DOCK10: variants seen among roughly 807,000 people sequenced by gnomAD.
DOCK10 encodes dedicator of cytokinesis 10.
A neutral mutation model predicts 280.1 loss-of-function variants in DOCK10; 145 were observed. The observed-to-expected ratio is 0.52, with a 90% CI of 0.45 to 0.59. The LOEUF is 0.59. Among genes scored for constraint, DOCK10 ranks in the 20% least tolerant of loss-of-function variants. The pLI is 0.00. For missense variants in DOCK10, 2,368 were observed against 2,651.7 expected (o/e 0.89, Z 2.35); for synonymous variants, 915 against 942.2 (o/e 0.97, Z 0.53).
At chr2:224,878,250 AT>A (rs1698762297) in intron 7 of DOCK10, among the ~76,000 whole-genome samples, 1 of 152,210 alleles carries the variant, frequency 6.6e-6, no homozygotes. Flanking sequence ...CAATTACTAA[AT>A]ACTGGCTCTG....
intron 1 of DOCK10, chr2:224,947,173 A>G (rs1305851248): frequency 6.5e-6 from 4 of 619,830 alleles, no homozygotes; most frequent in Non-Finnish European, 9.7e-6. Context: ...TTTTGTGCAT[A>G]TATCCTCCCT....
Position 224,765,792 on chromosome 2 carries a change from A to C in DOCK10, c.6490T>G (p.Cys2164Gly). 1.9e-6 allele frequency: 3 copies of C among 1,613,912 alleles called. No homozygotes were observed. The highest frequency in any genetic ancestry group is 2.5e-6 in the Non-Finnish European group (3 of 1,179,874). ...GTTGCTTTGCTAATTACTCGAGTGC[A>C]GGTTTGGTCCACTCCGCGCTTTGAC... Reference protein sequence around the residue: ...DLSKRGVDQTCTRVISKATPA... With the variant: ...DLSKRGVDQTGTRVISKATPA... Residue 2164 changes from cysteine to glycine, a missense_variant, in exon 56 of 56, where the codon TGC (cysteine) becomes GGC (glycine). Around this residue, in one of 2 missense-constraint regions of DOCK10, gnomAD observed 1,159 missense variants for 1,400.8 expected, o/e 0.83. Coordinates refer to ENST00000258390, the MANE Select transcript of DOCK10 (RefSeq NM_014689.3).
chr2:224,929,815 G>T (rs1285749373), intron 2 of DOCK10, among the ~76,000 whole-genome samples: 1 of 152,148 alleles, frequency 6.6e-6, no homozygotes, highest in African/African-American at 2.4e-5. Context: ...GAGCTGGGAG[G>T]CCTTGAAGTA....
At chr2:224,844,051 C>A (rs1275734101) in intron 22 of DOCK10, among the ~76,000 whole-genome samples, 4 of 152,172 alleles carry the variant, frequency 2.6e-5, no homozygotes, top group African/African-American at 7.2e-5. Context: ...AACCTCATGG[C>A]CTTCCAATTA....
intron 1 of DOCK10, among the ~76,000 whole-genome samples, chr2:224,986,167 A>G (rs1186069033): frequency 6.6e-6 from 1 of 152,196 alleles, no homozygotes; most frequent in Non-Finnish European, 1.5e-5. Context: ...TATCCTCTAT[A>G]AGGCATCAAG....
intron 1 of DOCK10, among the ~76,000 whole-genome samples, chr2:224,971,902 T>C (rs1026806815): frequency 6.6e-6 from 1 of 152,212 alleles, no homozygotes; most frequent in African/African-American, 2.4e-5. Context: ...TTATATTGAT[T>C]ACATGCCAAC....
At chr2:224,918,307 T>G (rs1278593643) in intron 2 of DOCK10, among the ~76,000 whole-genome samples, 1 of 151,262 alleles carries the variant, frequency 6.6e-6, no homozygotes, top group Non-Finnish European at 1.5e-5. Flanking sequence ...GATGAGAGTG[T>G]GTGGGAGCAT....
intron 3 of DOCK10, among the ~76,000 whole-genome samples, chr2:224,901,890 C>T (rs1207857389): frequency 6.6e-6 from 1 of 152,202 alleles, no homozygotes; most frequent in African/African-American, 2.4e-5. Context: ...TGTTTTCACT[C>T]ATCTAGACAC....
intron 13 of DOCK10, among the ~76,000 whole-genome samples, chr2:224,864,127 G>A (rs766709856): frequency 2.0e-5 from 3 of 152,170 alleles, no homozygotes; most frequent in Non-Finnish European, 2.9e-5. Context: ...AAAATTTCTG[G>A]TGGATATTCA....
intron 1 of DOCK10, among the ~76,000 whole-genome samples, chr2:224,948,764 T>A (rs1398247578): frequency 2.0e-5 from 3 of 152,210 alleles, no homozygotes; most frequent in Admixed American, 6.5e-5. Context: ...CTGAAAACCA[T>A]CTGTGGATCC....
At chr2:224,797,751 C>T (rs1175030837) in intron 42 of DOCK10, 81 bp downstream of exon 42, 15 of 1,466,236 alleles carry the variant, frequency 1.0e-5, no homozygotes, top group Middle Eastern at 1.8e-4. Flanking sequence ...TACTGAGAAA[C>T]GCAAGGATTC....
At chr2:224,866,173 T>C (rs1574961544) in intron 11 of DOCK10, among the ~76,000 whole-genome samples, 1 of 152,236 alleles carries the variant, frequency 6.6e-6, no homozygotes. Context: ...GACTACTCAT[T>C]GTATTTTTCT....
At chr2:225,014,096 TTG>T (rs1491050330) in intron 1 of DOCK10, among the ~76,000 whole-genome samples, 867 of 63,172 alleles carry the variant, frequency 0.014, 16 homozygotes, top group African/African-American at 0.055. Context: ...TTTTTTTTTT[TTG>T]TTTTTTTTTT....
At chr2:224,827,758 A>G (rs973728195) in intron 27 of DOCK10, among the ~76,000 whole-genome samples, 7 of 152,214 alleles carry the variant, frequency 4.6e-5, no homozygotes, top group African/African-American at 1.4e-4. Context: ...TCATCTCCAG[A>G]AGTGGAGAGC....
chr2:224,896,696 G>A (rs943992917), intron 3 of DOCK10, among the ~76,000 whole-genome samples: 2 of 152,138 alleles, frequency 1.3e-5, no homozygotes, highest in Admixed American at 1.3e-4. Flanking sequence ...CAGCTTGAGT[G>A]ACAGAGTGAG....
At chr2:224,877,225 G>T (rs775778051) in intron 7 of DOCK10, among the ~76,000 whole-genome samples, 1 of 152,172 alleles carries the variant, frequency 6.6e-6, no homozygotes, top group Non-Finnish European at 1.5e-5. Flanking sequence ...CAAAGTTCTT[G>T]TCCTCCAGAG....
chr2:225,000,221 CACAG>C (rs1476295305), intron 1 of DOCK10, among the ~76,000 whole-genome samples: 3 of 102,128 alleles, frequency 2.9e-5, no homozygotes, highest in East Asian at 3.2e-4. Context: ...CACACACACA[CACAG>C]ACACACACAC....
intron 1 of DOCK10, among the ~76,000 whole-genome samples, chr2:224,948,259 T>C (rs1193081479): frequency 2.6e-5 from 4 of 152,234 alleles, no homozygotes; most frequent in South Asian, 2.1e-4. Flanking sequence ...TGTCTTAGCA[T>C]GCAGACTGAG....
rs532746429 is a variant in DOCK10, at chr2:224,863,597, C to T, written c.1603-851G>A. 4.6e-5 allele frequency among the ~76,000 whole-genome samples: 7 copies of T among 152,122 alleles called. No homozygotes were observed. In the South Asian group the frequency reaches 6.2e-4, roughly 14 times the overall value. The stretch of plus-strand genomic sequence containing the variant: ...CCTCCCGAGTAGCTGGGACTACAGG[C>T]GCCCGCCACCACGCCTGGCTAATTT... On this transcript the variant is annotated intron_variant, in intron 13 of 55. Transcript: ENST00000258390.
Sources: gnomAD v4.1 joint callset for allele counts (sites outside exome capture counted in the v4.1 genomes callset) on GRCh38, gnomAD v4.1.1 for gene constraint, gnomAD v4.1.1 regional missense constraint, MANE v1.5 for transcripts, NCBI Gene and HGNC (gene_info 2026-07-23, HGNC 2026-07-21) for gene names.